SPEN: variants seen among roughly 807,000 people sequenced by gnomAD.
The protein encoded by SPEN is msx2-interacting protein.
Under a neutral mutation model 269.9 loss-of-function variants are expected in SPEN, and 18 were observed. The observed-to-expected ratio is 0.07, with a 90% CI of 0.05 to 0.10. SPEN has a LOEUF of 0.10. Among genes scored for constraint, SPEN ranks in the 10% least tolerant of loss-of-function variants. The pLI is 1.00. For missense variants in SPEN, 3,822 were observed against 4,631.2 expected, an observed-to-expected ratio of 0.83 and a Z score of 5.07; for synonymous variants, 1,726 against 1,765.7, an observed-to-expected ratio of 0.98 and a Z score of 0.56.
intron 9 of SPEN, among the ~76,000 whole-genome samples, chr1:15,921,774 A>G (rs2071122107): frequency 6.6e-6 from 1 of 152,268 alleles, no homozygotes; most frequent in South Asian, 2.1e-4. Context: ...TTAACTATGA[A>G]ATAACTATGA....
At position 15,928,462 on chromosome 1, in the gene SPEN, C is replaced by T; in HGVS notation, c.2222C>T (p.Pro741Leu). Reference protein sequence around the residue: ...LRRPQSPGASPSQAERLPSDS... With the variant: ...LRRPQSPGASLSQAERLPSDS... The stretch of plus-strand genomic sequence containing the variant: ...CGTCCACAGAGTCCTGGAGCGTCTC[C>T]CTCTCAGGCAGAGAGGTTGCCGAGT... Residue 741 changes from proline (P) to leucine (L), a missense_variant, in exon 11 of 15, where the codon CCC becomes CTC. This residue lies in a region of SPEN where 572 missense variants were observed against 582.6 expected (regional missense o/e 0.98). Coordinates refer to ENST00000375759, the MANE Select transcript of SPEN (RefSeq NM_015001.3). The surrounding 1 kb of genome is among the most constrained non-coding windows in gnomAD (Gnocchi z 5.7). 6.2e-7 allele frequency: 1 copy of T among 1,614,054 alleles called. No individual in the cohort carries two copies. Among genetic ancestry groups the T allele is most frequent in the Non-Finnish European group, 8.5e-7 (1 of 1,180,024 alleles).
At chr1:15,854,171 G>T (rs921534584) in intron 1 of SPEN, among the ~76,000 whole-genome samples, 2 of 152,076 alleles carry the variant, frequency 1.3e-5, no homozygotes, top group Non-Finnish European at 2.9e-5. Context: ...AGTATTTAGA[G>T]TAAATAATGT....
chr1:15,852,979 G>A (rs745953443), intron 1 of SPEN, among the ~76,000 whole-genome samples: 1 of 151,752 alleles, frequency 6.6e-6, no homozygotes, highest in Non-Finnish European at 1.5e-5. Flanking sequence ...ACCTCAGCCT[G>A]CAAAGTAGCT....
chr1:15,852,463 A>G (rs777594147), intron 1 of SPEN, among the ~76,000 whole-genome samples: 141 of 152,222 alleles, frequency 9.3e-4, no homozygotes, highest in Non-Finnish European at 1.8e-3. Flanking sequence ...AATACAGAAA[A>G]ATTATACAGA....
chr1:15,928,910 C>T lies in SPEN; in HGVS notation c.2670C>T (p.Val890=). 1 of 1,614,200 alleles carries T rather than the reference C, an allele frequency of 6.2e-7. No individual in the cohort carries two copies. The highest frequency in any genetic ancestry group is 8.5e-7 in the Non-Finnish European group (1 of 1,180,038). The part of the protein sequence containing the change: ...LTRVKEKEGK[V]IDHTPVEKLK... ...GAGTGAAAGAGAAAGAGGGAAAGGT[C>T]ATTGACCACACTCCTGTGGAAAAGT... Residue 890 remains valine (V), a synonymous_variant, in exon 11 of 15, where the codon GTC becomes GTT. Transcript: ENST00000375759. The surrounding 1 kb of genome is among the most constrained non-coding windows in gnomAD (Gnocchi z 5.7).
In SPEN at chr1:15,930,693, T is replaced by A; in HGVS notation, c.4453T>A (p.Ser1485Thr). Reference protein sequence around the residue: ...RNNKDKEKVDSAPRPIPSWYM... With the variant: ...RNNKDKEKVDTAPRPIPSWYM... ...CAACAAAGATAAAGAAAAGGTTGACTCTGCTCCAAGACCTATTCCATCCTG... is the reference window on the plus strand; with the variant it reads ...CAACAAAGATAAAGAAAAGGTTGACACTGCTCCAAGACCTATTCCATCCTG... Residue 1485 changes from serine (S) to threonine (T), a missense_variant, in exon 11 of 15, where the codon TCT becomes ACT. Ser to Thr is a moderately conservative substitution (Grantham distance 58). Coordinates refer to ENST00000375759, the MANE Select transcript of SPEN (RefSeq NM_015001.3). The surrounding 1 kb of genome is among the most constrained non-coding windows in gnomAD (Gnocchi z 5.3). 6.2e-7 allele frequency: 1 copy of A among 1,614,146 alleles called. No individual in the cohort carries two copies. The highest frequency in any genetic ancestry group is 8.5e-7 in the Non-Finnish European group (1 of 1,179,998).
At chr1:15,861,975 G>A (rs1396332327) in intron 1 of SPEN, among the ~76,000 whole-genome samples, 1 of 152,200 alleles carries the variant, frequency 6.6e-6, no homozygotes, top group Non-Finnish European at 1.5e-5. Flanking sequence ...CTGGGAGGCC[G>A]AGGTTGCAGT....
chr1:15,911,354 T>C (rs2071010575), intron 5 of SPEN, 53 bp downstream of exon 5: 1 of 1,453,826 alleles, frequency 6.9e-7, no homozygotes, highest in Non-Finnish European at 9.6e-7. Context: ...ACTGTTTGTG[T>C]TGCAGTGTAT....
chr1:15,935,811 G>C lies in SPEN; in HGVS notation c.9571G>C (p.Val3191Leu), dbSNP rs144045976. The change falls in exon 11 of 15, where the codon GTG (valine) becomes CTG (leucine). Residue 3191 changes from valine to leucine, a missense_variant. Coordinates refer to ENST00000375759, the MANE Select transcript of SPEN (RefSeq NM_015001.3). This position sits in a 1 kb window ranked among gnomAD's most constrained non-coding sequence, Gnocchi z 7.7. ...TGAGTACCGACTGCACCCCTATACT[G>C]TGCCACGGGATGTGAGGATCATGGT... ...QSEYRLHPYT[V>L]PRDVRIMVHP... 5 of 1,613,764 alleles carry C rather than the reference G, an allele frequency of 3.1e-6. No homozygotes were observed. The African/African-American group carries it at 6.7e-5, about 22-fold the overall frequency.
rs184797502 is a variant in SPEN at position 15,882,915 on chromosome 1, C to A, written c.881+6237C>A. ...GCCCCCCTGGGGCTCTTGGTTCCCC[C>A]AGGGTCCAACCAAGTCTGAGTCATG... On this transcript the variant is annotated intron_variant, in intron 3 of 14. Transcript: ENST00000375759. Among the ~76,000 whole-genome samples the A allele has an allele frequency of 4.5e-4, 69 of 152,238 alleles. No homozygotes were observed. The East Asian group carries it at 4.8e-3, about 11-fold the overall frequency.
At chr1:15,862,656 A>G (rs2070459232) in intron 1 of SPEN, among the ~76,000 whole-genome samples, 2 of 152,236 alleles carry the variant, frequency 1.3e-5, no homozygotes, top group South Asian at 4.1e-4. Context: ...TACTTAATAA[A>G]TAATTTTTCA....
chr1:15,911,344 ACT>A (rs756238819), intron 5 of SPEN, 43 bp downstream of exon 5: 1 of 1,543,876 alleles, frequency 6.5e-7, no homozygotes, highest in East Asian at 2.3e-5. Flanking sequence ...CATCACACAC[ACT>A]GTTTGTGTTG....
intron 3 of SPEN, among the ~76,000 whole-genome samples, chr1:15,877,701 G>A (rs1232046594): frequency 6.7e-6 from 1 of 149,956 alleles, no homozygotes; most frequent in African/African-American, 2.4e-5. Context: ...AAGTAATCTA[G>A]GATAAGTTAT....
intron 3 of SPEN, among the ~76,000 whole-genome samples, chr1:15,905,511 C>T (rs1238594205): frequency 6.6e-6 from 1 of 151,982 alleles, no homozygotes; most frequent in Non-Finnish European, 1.5e-5. Flanking sequence ...TGTTAGCTAC[C>T]ATGCCTGGCC....
At chr1:15,874,119 A>C in intron 2 of SPEN, 2 of 1,362,528 alleles carry the variant, frequency 1.5e-6, no homozygotes, top group Non-Finnish European at 2.0e-6. Flanking sequence ...ATATTTATGA[A>C]TGTGGATAAA....
chr1:15,917,327 C>CTT (rs1349734396), intron 6 of SPEN, among the ~76,000 whole-genome samples: 1 of 152,168 alleles, frequency 6.6e-6, no homozygotes, highest in African/African-American at 2.4e-5. Context: ...TCCTTTATGA[C>CTT]TTAAAATTAG....
chr1:15,935,938 C>T lies in SPEN; in HGVS notation c.9698C>T (p.Ala3233Val). ...GCCCCTCAGCAGCCAGGGAAGGAAG[C>T]TGCCAAGACACCAGATGCCAAAGCT... ...SKAPQQPGKEAAKTPDAKAAP... is the reference protein window; with the variant it reads ...SKAPQQPGKEVAKTPDAKAAP... Residue 3233 changes from alanine to valine, a missense_variant, in exon 11 of 15, where the codon GCT becomes GTT. Around this residue, in one of 16 missense-constraint regions of SPEN, gnomAD observed 359 missense variants for 377.3 expected, o/e 0.95. Transcript: ENST00000375759. The surrounding 1 kb of genome is among the most constrained non-coding windows in gnomAD (Gnocchi z 7.7). 1 of 1,610,766 alleles carries T rather than the reference C, an allele frequency of 6.2e-7. No homozygotes were observed. Among genetic ancestry groups the T allele is most frequent in the Non-Finnish European group, 8.5e-7 (1 of 1,179,562 alleles).
At chr1:15,886,586 GT>G (rs959752010) in intron 3 of SPEN, among the ~76,000 whole-genome samples, 1 of 152,182 alleles carries the variant, frequency 6.6e-6, no homozygotes, top group African/African-American at 2.4e-5. Context: ...TCTAGCCAGG[GT>G]GAACGCCCGA....
chr1:15,939,455 A>T lies in SPEN; in HGVS notation c.*28A>T. 6.4e-7 allele frequency: 1 copy of T among 1,554,542 alleles called. No homozygotes were observed. ...CACTGAGTGGTTATCACCTCAGTGA[A>T]TCTTCCCAGGGCTCTGCAGTAAAAA... On this transcript the variant is annotated 3_prime_UTR_variant, in exon 15 of 15. Transcript: ENST00000375759. The surrounding 1 kb of genome is among the most constrained non-coding windows in gnomAD (Gnocchi z 4.1).
Sources: allele counts gnomAD v4.1 joint callset (sites outside exome capture counted in the v4.1 genomes callset), GRCh38; gene constraint gnomAD v4.1.1; regional missense constraint gnomAD v4.1.1; non-coding constraint Gnocchi (gnomAD v3.1); transcripts MANE v1.5; gene names NCBI Gene and HGNC (gene_info 2026-07-23, HGNC 2026-07-21).